The following SBF2 variants were observed in gnomAD, a reference collection of about 807,000 sequenced individuals.
SBF2 encodes SET binding factor 2, also known as myotubularin-related protein 13.
In SBF2, 112 loss-of-function variants were observed where a neutral mutation model predicts 225.2. The ratio of observed to expected loss-of-function variants is 0.50; its 90% confidence interval spans 0.43 to 0.58. The LOEUF is 0.58. SBF2 is among the 20% of genes least tolerant of loss of function. SBF2 has a pLI of 0.00. For synonymous variants in SBF2, 763 were observed against 773.3 expected (o/e 0.99, Z 0.22); for missense variants, 1,996 against 2,206.2 (o/e 0.90, Z 1.91).
At chr11:9,801,661 C>A (rs996873239) in intron 32 of SBF2, among the ~76,000 whole-genome samples, 1 of 152,222 alleles carries the variant, frequency 6.6e-6, no homozygotes, top group Non-Finnish European at 1.5e-5. Context: ...TTACATCCTT[C>A]CATATTACAT....
intron 2 of SBF2, among the ~76,000 whole-genome samples, chr11:10,048,475 AAGTC>A (rs1287697828): frequency 6.6e-6 from 1 of 152,236 alleles, no homozygotes; most frequent in Non-Finnish European, 1.5e-5. Flanking sequence ...TGCAATAAAA[AAGTC>A]AGTTTTAATT....
chr11:9,932,037 G>A (rs1864536483), intron 16 of SBF2, among the ~76,000 whole-genome samples: 1 of 152,044 alleles, frequency 6.6e-6, no homozygotes, highest in South Asian at 2.1e-4. Flanking sequence ...ATCAGTGATT[G>A]AAGATCACAT....
intron 2 of SBF2, among the ~76,000 whole-genome samples, chr11:10,124,880 G>A (rs1034864343): frequency 8.5e-5 from 13 of 152,102 alleles, no homozygotes; most frequent in African/African-American, 2.9e-4. Context: ...CGAGGCAGGC[G>A]GATCACCTGA....
intron 2 of SBF2, among the ~76,000 whole-genome samples, chr11:10,052,357 A>G (rs1307229239): frequency 6.6e-6 from 1 of 152,144 alleles, no homozygotes; most frequent in African/African-American, 2.4e-5. Flanking sequence ...TGTTTTTGAC[A>G]ACTCCCTTCT....
At chr11:10,183,955 A>AT (rs1808900054) in intron 2 of SBF2, among the ~76,000 whole-genome samples, 2 of 152,184 alleles carry the variant, frequency 1.3e-5, no homozygotes, top group South Asian at 4.1e-4. Flanking sequence ...GTTAACAATA[A>AT]TTTAGTGTAT....
At chr11:9,833,917 T>C (rs988972452) in intron 26 of SBF2, among the ~76,000 whole-genome samples, 1 of 151,022 alleles carries the variant, frequency 6.6e-6, no homozygotes, top group Non-Finnish European at 1.5e-5. Flanking sequence ...ATTACAGGCA[T>C]GTGCCACCAC....
At chr11:10,149,949 G>T (rs117687054) in intron 2 of SBF2, among the ~76,000 whole-genome samples, 2,460 of 152,198 alleles carry the variant, frequency 0.016, 31 homozygotes, top group South Asian at 0.037. Flanking sequence ...AAATTTTAGG[G>T]TTAGTTCTAA....
chr11:10,195,509 TTCTGATTA>T (rs1487511737), intron 1 of SBF2, among the ~76,000 whole-genome samples: 1 of 152,216 alleles, frequency 6.6e-6, no homozygotes, highest in Non-Finnish European at 1.5e-5. Flanking sequence ...GGCAACAATA[TTCTGATTA>T]TTTGTTTTGT....
At chr11:10,020,305 T>A (rs930934877) in intron 6 of SBF2, among the ~76,000 whole-genome samples, 1 of 151,824 alleles carries the variant, frequency 6.6e-6, no homozygotes, top group African/African-American at 2.4e-5. Context: ...AAAGAAAAAA[T>A]GCCTAAAGTG....
chr11:9,872,339 A>C (rs545943727), intron 17 of SBF2, among the ~76,000 whole-genome samples: 1 of 152,278 alleles, frequency 6.6e-6, no homozygotes, highest in Non-Finnish European at 1.5e-5. Context: ...AGAATACCTA[A>C]TGGATGCTGG....
intron 17 of SBF2, among the ~76,000 whole-genome samples, chr11:9,888,929 G>A (rs1860567191): frequency 2.0e-5 from 3 of 152,126 alleles, no homozygotes; most frequent in Admixed American, 6.5e-5. Flanking sequence ...GTCAAACGTA[G>A]CATCTTGTAT....
At chr11:9,904,449 A>C (rs1861966599) in intron 16 of SBF2, among the ~76,000 whole-genome samples, 2 of 152,224 alleles carry the variant, frequency 1.3e-5, no homozygotes, top group Non-Finnish European at 2.9e-5. Flanking sequence ...CTCAAAGTAT[A>C]CAAAGCAAAA....
At chr11:10,013,965 C>T (rs1313968195) in intron 6 of SBF2, among the ~76,000 whole-genome samples, 1 of 152,074 alleles carries the variant, frequency 6.6e-6, no homozygotes, top group Non-Finnish European at 1.5e-5. Flanking sequence ...CACTACTGTC[C>T]TTAATTTTTC....
At chr11:10,260,680 G>A (rs1961340655) in intron 1 of SBF2, among the ~76,000 whole-genome samples, 1 of 147,010 alleles carries the variant, frequency 6.8e-6, no homozygotes, top group Non-Finnish European at 1.5e-5. Context: ...TCCAGCCTGG[G>A]CAACAGAGCG....
intron 16 of SBF2, among the ~76,000 whole-genome samples, chr11:9,953,861 C>T (rs1195959367): frequency 1.3e-5 from 2 of 151,996 alleles, no homozygotes; most frequent in African/African-American, 2.4e-5. Context: ...GGTTCCTCAT[C>T]GTATATGCAA....
chr11:9,934,938 G>A (rs1259131989), intron 16 of SBF2, among the ~76,000 whole-genome samples: 1 of 152,138 alleles, frequency 6.6e-6, no homozygotes, highest in Non-Finnish European at 1.5e-5. Flanking sequence ...TCAACTTAAT[G>A]TTGGAAGTTC....
chr11:9,970,074 T>C (rs1176620754), intron 13 of SBF2, among the ~76,000 whole-genome samples: 1 of 152,202 alleles, frequency 6.6e-6, no homozygotes, highest in African/African-American at 2.4e-5. Context: ...TTCATAAAGT[T>C]CTCTAGGGAA....
At chr11:10,147,552 C>T (rs978887305) in intron 2 of SBF2, among the ~76,000 whole-genome samples, 1 of 151,950 alleles carries the variant, frequency 6.6e-6, no homozygotes, top group Admixed American at 6.6e-5. Context: ...ACTACAGACA[C>T]TGGGACCTAC....
intron 2 of SBF2, among the ~76,000 whole-genome samples, chr11:10,187,184 G>A (rs117901605): frequency 5.9e-5 from 9 of 152,032 alleles, no homozygotes; most frequent in East Asian, 3.9e-4. Context: ...CTACTCTGAC[G>A]ACCAACTACT....
Sources: gnomAD v4.1 joint callset for allele counts (sites outside exome capture counted in the v4.1 genomes callset) on GRCh38, gnomAD v4.1.1 for gene constraint, MANE v1.5 for transcripts, NCBI Gene and HGNC (gene_info 2026-07-23, HGNC 2026-07-21) for gene names.